Variants in MYH10 observed in about 807,000 individuals in gnomAD.
MYH10 encodes myosin heavy chain 10, also known as myosin-10.
MYH10 carries 55 observed loss-of-function variants against 257.8 expected under a neutral mutation model. The ratio of observed to expected loss-of-function variants is 0.21; its 90% confidence interval spans 0.17 to 0.27. The LOEUF (loss-of-function observed/expected upper bound fraction) is 0.27, where lower values mean the gene tolerates loss of function less well. Ranked by LOEUF, MYH10 falls within the 10% of genes least tolerant of loss-of-function variation. The probability of loss-of-function intolerance (pLI) is 1.00; values close to 1 mark genes in which losing one functional copy is unlikely to be tolerated. For synonymous variants in MYH10, 854 were observed against 921.7 expected (o/e 0.93, Z 1.33); for missense variants, 1,631 against 2,500.6 (o/e 0.65, Z 7.42).
At chr17:8,539,737 GACACCAT>G (rs1387781653) in intron 14 of MYH10, among the ~76,000 whole-genome samples, 2 of 151,916 alleles carry the variant, frequency 1.3e-5, no homozygotes, top group Non-Finnish European at 2.9e-5. Context: ...ACAGGCACAT[GACACCAT>G]ACCTGGCTAA....
rs1912448459 is a variant in MYH10 at position 8,475,714 on chromosome 17, C to T, written c.*90G>A. ...ACAGTTGATCTTTCAGGAAGGAATCCCGTAGCTTGCCAATTTCCGAAATCT... is the reference window on the plus strand; with the variant it reads ...ACAGTTGATCTTTCAGGAAGGAATCTCGTAGCTTGCCAATTTCCGAAATCT... On this transcript the variant is annotated 3_prime_UTR_variant, in exon 43 of 43. Coordinates refer to ENST00000360416, the MANE Select transcript of MYH10 (RefSeq NM_001256012.3). 9 of 1,457,118 alleles carry T rather than the reference C, an allele frequency of 6.2e-6. No individual in the cohort carries two copies. The Admixed American group carries it at 1.7e-4, about 28-fold the overall frequency. 90.3% of individuals were successfully genotyped at this position (1,457,118 alleles called of 1,614,324 possible).
chr17:8,593,109 T>A (rs913674216), intron 3 of MYH10, among the ~76,000 whole-genome samples: 68 of 150,876 alleles, frequency 4.5e-4, no homozygotes, highest in South Asian at 1.7e-3. Flanking sequence ...TGAATAGATG[T>A]AAAAAAGCGT....
At chr17:8,617,693 A>G (rs1722360058) in intron 2 of MYH10, among the ~76,000 whole-genome samples, 2 of 152,218 alleles carry the variant, frequency 1.3e-5, no homozygotes, top group African/African-American at 4.8e-5. Flanking sequence ...CAATGATCAT[A>G]ATATTACAAA....
Position 8,492,244 on chromosome 17 carries a change from G to A in MYH10, c.4671+53C>T, listed in dbSNP as rs556628159. 3.5e-5 allele frequency: 55 copies of A among 1,568,014 alleles called. No homozygotes were observed. The Admixed American group carries it at 7.3e-4, about 21-fold the overall frequency. On this transcript the variant is annotated intron_variant, in intron 34 of 42. Transcript: ENST00000360416. ...TCGCCCGCTCCTGTGTGAAGGCCCA[G>A]GCCCCTGGGATACTCTCCCGTGCGG...
chr17:8,503,197 C>T (rs982810593), intron 28 of MYH10, among the ~76,000 whole-genome samples: 1 of 152,136 alleles, frequency 6.6e-6, no homozygotes, highest in Non-Finnish European at 1.5e-5. Context: ...GCAGGAAAAT[C>T]GTTTGAACCC....
chr17:8,474,353 CAAG>C lies in MYH10; in HGVS notation c.*1448_*1450del, dbSNP rs1331981103. The C allele has an allele frequency of 6.6e-6, 1 of 152,412 alleles. No individual in the cohort carries two copies. The highest frequency in any genetic ancestry group is 6.5e-5 in the Admixed American group (1 of 15,268). 9.4% of individuals were successfully genotyped at this position (152,412 alleles called of 1,614,324 possible). On this transcript the variant is annotated 3_prime_UTR_variant, in exon 43 of 43. Coordinates refer to ENST00000360416, the MANE Select transcript of MYH10 (RefSeq NM_001256012.3). ...ATCATTGTCTAGAAATATGGGAATA[CAAG>C]AAAAGATATTTGCGGTCAGGTGTCT...
chr17:8,536,345 T>A (rs1170165744), intron 14 of MYH10, among the ~76,000 whole-genome samples: 3 of 152,206 alleles, frequency 2.0e-5, no homozygotes, highest in Non-Finnish European at 4.4e-5. Context: ...AAACATTTTA[T>A]ATCCTAATCA....
chr17:8,623,083 C>T lies in MYH10; in HGVS notation c.164G>A (p.Gly55Glu), dbSNP rs754469351. 43 of 1,614,014 alleles carry T rather than the reference C, an allele frequency of 2.7e-5. No homozygotes were observed. In the South Asian group the frequency reaches 3.2e-4, roughly 12 times the overall value. Residue 55 changes from glycine to glutamate, a missense_variant, in exon 2 of 43, where the codon GGA (glycine) becomes GAA (glutamate). Gly to Glu is a moderately conservative substitution (Grantham distance 98). Coordinates refer to ENST00000360416, the MANE Select transcript of MYH10 (RefSeq NM_001256012.3). ...FEAASIKEER[G>E]DEVMVELAEN... Reference sequence around the variant, plus strand: ...TGCCAACTCCACCATAACTTCATCTCCCCGTTCTTCTTTGATACTAGCTGC... The same window carrying T: ...TGCCAACTCCACCATAACTTCATCTTCCCGTTCTTCTTTGATACTAGCTGC...
intron 17 of MYH10, 114 bp from the exon 18 acceptor site, chr17:8,521,399 A>G: frequency 9.0e-7 from 1 of 1,113,344 alleles, no homozygotes; most frequent in South Asian, 1.4e-5. Context: ...ATGACAGGAG[A>G]TGCCATATAG....
rs199712993 is a variant in MYH10, at chr17:8,561,524, C to T, written c.757-7506G>A. 8.3e-6 allele frequency: 12 copies of T among 1,440,634 alleles called. No individual in the cohort carries two copies. The East Asian group carries it at 2.5e-4, about 30-fold the overall frequency. 89.2% of individuals were successfully genotyped at this position (1,440,634 alleles called of 1,614,324 possible). ...GCCCGCAAGGACCGAACACCCCCACCCCGATTTAGACCTGCGGGTGCTGCC... is the reference window on the plus strand; with the variant it reads ...GCCCGCAAGGACCGAACACCCCCACTCCGATTTAGACCTGCGGGTGCTGCC... On this transcript the variant is annotated intron_variant, in intron 7 of 42. Coordinates refer to ENST00000360416, the MANE Select transcript of MYH10 (RefSeq NM_001256012.3).
chr17:8,562,354 C>T (rs771950760), intron 7 of MYH10, among the ~76,000 whole-genome samples: 7 of 152,194 alleles, frequency 4.6e-5, no homozygotes, highest in South Asian at 4.1e-4. Flanking sequence ...TCTTCCTTGG[C>T]GGCAGGCCGA....
Position 8,509,876 on chromosome 17 carries a change from G to A in MYH10, c.3026C>T (p.Ala1009Val). 6.2e-7 allele frequency: 1 copy of A among 1,612,772 alleles called. No individual in the cohort carries two copies. Among genetic ancestry groups the A allele is most frequent in the Non-Finnish European group, 8.5e-7 (1 of 1,179,462 alleles). Residue 1009 changes from alanine (A) to valine (V), a missense_variant, in exon 25 of 43, where the codon GCC (alanine) becomes GTC (valine). Coordinates refer to ENST00000360416, the MANE Select transcript of MYH10 (RefSeq NM_001256012.3). ...KLQLEKVTAE[A>V]KIKKMEEEIL... is the part of the protein sequence containing the mutation. ...CTCCTCTTCCATCTTCTTGATCTTG[G>A]CCTCTGCTGTCACCTTTTCCAGCTG...
In MYH10 at chr17:8,545,343, T is replaced by C; in HGVS notation, c.1431+105A>G. The C allele has an allele frequency of 1.6e-6, 2 of 1,243,944 alleles. No homozygotes were observed. The highest frequency in any genetic ancestry group is 2.3e-6 in the Non-Finnish European group (2 of 878,332). The allele number at this position is 1,243,944 out of a possible 1,614,324, so 77.1% of individuals were successfully genotyped here. Reference sequence around the variant, plus strand: ...TTGGCTCTACTAGAATGGCAGGGACTGTATCCCTGGTGCCTCGTATGTACT... The same window carrying C: ...TTGGCTCTACTAGAATGGCAGGGACCGTATCCCTGGTGCCTCGTATGTACT... On this transcript the variant is annotated intron_variant, in intron 13 of 42. Transcript: ENST00000360416. This position sits in a 1 kb window ranked among gnomAD's most constrained non-coding sequence, Gnocchi z 4.7.
rs2085545237 is a variant in MYH10 at position 8,623,461 on chromosome 17, T to C, written c.-31-184A>G. 4 of 394,536 alleles carry C rather than the reference T, an allele frequency of 1.0e-5. No individual in the cohort carries two copies. In the Admixed American group the frequency reaches 1.4e-4, roughly 14 times the overall value. 24.4% of individuals were successfully genotyped at this position (394,536 alleles called of 1,614,324 possible). On this transcript the variant is annotated intron_variant, in intron 1 of 42. Transcript: ENST00000360416. ...GTAAATTTCAGCGGTGACCACAAAT[T>C]ATGGCTCTGGTTGTCTGATGGGTTT...
At chr17:8,594,330 A>G (rs1401509678) in intron 3 of MYH10, among the ~76,000 whole-genome samples, 5 of 152,218 alleles carry the variant, frequency 3.3e-5, no homozygotes, top group Admixed American at 3.3e-4. Flanking sequence ...ATGCAAAATA[A>G]GCACATCAAA....
intron 40 of MYH10, among the ~76,000 whole-genome samples, chr17:8,479,613 T>C (rs955951439): frequency 6.6e-6 from 1 of 152,236 alleles, no homozygotes; most frequent in African/African-American, 2.4e-5. Flanking sequence ...AGGTCTGCCC[T>C]GGCTCTGGGC....
chr17:8,475,990 G>A (rs755464299), intron 42 of MYH10, 42 bp from the exon 43 acceptor site: 37 of 1,587,252 alleles, frequency 2.3e-5, no homozygotes, highest in Non-Finnish European at 3.1e-5. Flanking sequence ...TAAACAGACA[G>A]GAGCACATGG....
chr17:8,546,728 T>C (rs1597794789), intron 11 of MYH10, 66 bp from the exon 12 acceptor site: 1 of 1,161,026 alleles, frequency 8.6e-7, no homozygotes, highest in African/African-American at 1.5e-5. Context: ...ATATATTCAA[T>C]AAACACTGGA....
At chr17:8,606,503 G>C (rs956156516) in intron 2 of MYH10, among the ~76,000 whole-genome samples, 1 of 152,172 alleles carries the variant, frequency 6.6e-6, no homozygotes, top group Non-Finnish European at 1.5e-5. Flanking sequence ...GGAACACTAA[G>C]GGGGATTCTA....
Sources: gnomAD v4.1 joint callset for allele counts (sites outside exome capture counted in the v4.1 genomes callset) on GRCh38, gnomAD v4.1.1 for gene constraint, Gnocchi (gnomAD v3.1) non-coding constraint, MANE v1.5 for transcripts, NCBI Gene and HGNC (gene_info 2026-07-23, HGNC 2026-07-21) for gene names.